Variants in ENOX1 observed in about 807,000 individuals in gnomAD.
ENOX1 encodes the protein candidate growth-related and time keeping constitutive hydroquinone (NADH) oxidase.
ENOX1 carries 42 observed loss-of-function variants against 82.5 expected under a neutral mutation model. The ratio of observed to expected loss-of-function variants is 0.51; its 90% CI spans 0.40 to 0.66. The LOEUF (loss-of-function observed/expected upper bound fraction) is 0.66. ENOX1 is among the 30% of genes least tolerant of loss of function. ENOX1 has a pLI of 0.00. For synonymous variants in ENOX1, 271 were observed against 282.2 expected (o/e 0.96, Z 0.40); for missense variants, 608 against 811.6 (o/e 0.75, Z 3.05).
chr13:43,227,919 C>A (rs181103070), intron 15 of ENOX1, among the ~76,000 whole-genome samples: 1 of 152,074 alleles, frequency 6.6e-6, no homozygotes, highest in East Asian at 1.9e-4. Flanking sequence ...GAGTCATCAT[C>A]CTCCCCGGTA....
chr13:43,495,418 C>T (rs1280251021), intron 2 of ENOX1, among the ~76,000 whole-genome samples: 1 of 151,992 alleles, frequency 6.6e-6, no homozygotes, highest in Non-Finnish European at 1.5e-5. Flanking sequence ...ATACGGTATA[C>T]CAGATAGCAT....
At chr13:43,227,617 G>C (rs1015425971) in intron 15 of ENOX1, among the ~76,000 whole-genome samples, 135 of 152,104 alleles carry the variant, frequency 8.9e-4, no homozygotes, top group African/African-American at 3.2e-3. Flanking sequence ...TTTTGAGCAA[G>C]GAAAATTTTC....
At chr13:43,377,513 C>T (rs1391602769) in intron 5 of ENOX1, among the ~76,000 whole-genome samples, 1 of 152,192 alleles carries the variant, frequency 6.6e-6, no homozygotes, top group Non-Finnish European at 1.5e-5. Context: ...TTCCCACGAA[C>T]AAAACTCCTA....
intron 2 of ENOX1, chr13:43,547,317 T>C (rs1452995910): frequency 6.6e-6 from 1 of 152,154 alleles, no homozygotes; most frequent in African/African-American, 2.4e-5. Flanking sequence ...TTGGTTTCCT[T>C]AAATAAAAAC....
intron 3 of ENOX1, among the ~76,000 whole-genome samples, chr13:43,476,970 T>C (rs1172903860): frequency 6.6e-6 from 1 of 151,968 alleles, no homozygotes; most frequent in Admixed American, 6.6e-5. Context: ...GTGAACATAC[T>C]TCATTTGTGG....
At chr13:43,501,687 A>T (rs1287605563) in intron 2 of ENOX1, among the ~76,000 whole-genome samples, 1 of 151,584 alleles carries the variant, frequency 6.6e-6, no homozygotes, top group African/African-American at 2.4e-5. Flanking sequence ...AAGGAAATTT[A>T]AAAAGTATGT....
chr13:43,269,679 A>G, intron 12 of ENOX1, 102 bp from the exon 13 acceptor site: 1 of 877,972 alleles, frequency 1.1e-6, no homozygotes, highest in Non-Finnish European at 1.9e-6. Context: ...GATGTTTACA[A>G]GTCTTGAAGC....
At chr13:43,649,032 T>C (rs1180812692) in intron 2 of ENOX1, among the ~76,000 whole-genome samples, 2 of 152,212 alleles carry the variant, frequency 1.3e-5, no homozygotes, top group African/African-American at 2.4e-5. Context: ...CATTTAGTTA[T>C]GACAAAAATG....
chr13:43,504,542 A>C (rs9594966), intron 2 of ENOX1, among the ~76,000 whole-genome samples: 33,724 of 151,676 alleles, frequency 0.22, 4,057 homozygotes, highest in Middle Eastern at 0.29. Flanking sequence ...GGAAGACATT[A>C]TGCTCAGTAA....
chr13:43,699,008 C>T (rs1261117806), intron 1 of ENOX1, among the ~76,000 whole-genome samples: 2 of 152,206 alleles, frequency 1.3e-5, no homozygotes, highest in Non-Finnish European at 2.9e-5. Context: ...CTCATCCCAG[C>T]TGATGACTGC....
intron 2 of ENOX1, among the ~76,000 whole-genome samples, chr13:43,560,955 C>T (rs1025919918): frequency 6.6e-6 from 1 of 152,106 alleles, no homozygotes; most frequent in Non-Finnish European, 1.5e-5. Context: ...AGTGGTTGCT[C>T]CTTGTATCTA....
At chr13:43,716,645 C>T (rs535112310) in intron 1 of ENOX1, among the ~76,000 whole-genome samples, 14 of 152,128 alleles carry the variant, frequency 9.2e-5, no homozygotes, top group Non-Finnish European at 2.1e-4. Context: ...AAAGACTCCA[C>T]CAAAGGCTCC....
At chr13:43,252,328 A>T (rs2043505411) in intron 14 of ENOX1, among the ~76,000 whole-genome samples, 1 of 152,194 alleles carries the variant, frequency 6.6e-6, no homozygotes, top group Non-Finnish European at 1.5e-5. Context: ...CTGCTCTATT[A>T]AGTGTTCCAA....
chr13:43,317,927 C>T (rs977005144), intron 11 of ENOX1, among the ~76,000 whole-genome samples: 3 of 151,954 alleles, frequency 2.0e-5, no homozygotes, highest in Non-Finnish European at 4.4e-5. Flanking sequence ...ATGGCGTGAA[C>T]CCGGGAGGCA....
intron 2 of ENOX1, among the ~76,000 whole-genome samples, chr13:43,648,933 G>A (rs866812821): frequency 2.0e-5 from 3 of 152,114 alleles, no homozygotes; most frequent in African/African-American, 2.4e-5. Context: ...CTGTATCAGC[G>A]ACACTGGCTC....
chr13:43,564,699 CAATT>C (rs563298797), intron 2 of ENOX1, among the ~76,000 whole-genome samples: 118 of 152,222 alleles, frequency 7.8e-4, no homozygotes, highest in African/African-American at 2.7e-3. Context: ...TCTTTGCTCT[CAATT>C]AATAAACTGA....
rs182986366 is a variant in ENOX1 at position 43,576,035 on chromosome 13, A to T, written c.-219+91444T>A. On this transcript the variant is annotated intron_variant, in intron 2 of 16. Coordinates refer to ENST00000690772, the MANE Select transcript of ENOX1 (RefSeq NM_001347969.2). ...CTAATGAGAAACGTAATAGAAGACAATGAAACAAAAAGTATTTTCTTCAAT... is the reference window on the plus strand; with the variant it reads ...CTAATGAGAAACGTAATAGAAGACATTGAAACAAAAAGTATTTTCTTCAAT... 2.6e-4 allele frequency among the ~76,000 whole-genome samples: 40 copies of T among 152,376 alleles called. No individual in the cohort carries two copies. In the East Asian group the frequency reaches 7.1e-3, roughly 27 times the overall value.
intron 3 of ENOX1, among the ~76,000 whole-genome samples, chr13:43,456,531 AC>A (rs1301360820): frequency 6.6e-6 from 1 of 151,926 alleles, no homozygotes; most frequent in East Asian, 1.9e-4. Context: ...CATTTTTTGG[AC>A]TGAGTTTCTG....
At chr13:43,779,966 C>G (rs1451511713) in intron 1 of ENOX1, among the ~76,000 whole-genome samples, 1 of 152,000 alleles carries the variant, frequency 6.6e-6, no homozygotes, top group Non-Finnish European at 1.5e-5. Context: ...ACCATCCTGG[C>G]CAACACAGTG....
Sources: gnomAD v4.1 joint callset for allele counts (sites outside exome capture counted in the v4.1 genomes callset) on GRCh38, gnomAD v4.1.1 for gene constraint, MANE v1.5 for transcripts, NCBI Gene and HGNC (gene_info 2026-07-23, HGNC 2026-07-21) for gene names.